LMO1: variants seen among roughly 807,000 people sequenced by gnomAD.
LMO1 encodes the protein rhombotin-1.
LMO1 carries 10 observed loss-of-function variants against 18.0 expected under a neutral mutation model. The ratio of observed to expected loss-of-function variants is 0.55; its 90% CI spans 0.34 to 0.94. LMO1 has a LOEUF of 0.94. Ranked by LOEUF, LMO1 falls within the 40% of genes least tolerant of loss-of-function variation. The pLI is 0.02. For synonymous variants in LMO1, 77 were observed against 77.9 expected (o/e 0.99, Z 0.06); for missense variants, 183 against 205.7 (o/e 0.89, Z 0.68).
At position 8,230,320 on chromosome 11, in the gene LMO1, G is replaced by A; in HGVS notation, c.210C>T (p.Asn70=). ...EVGSTLYTKA[N]LILCRRDYLR... Reference sequence around the variant, plus strand: ...GGTAGTCGCGTCGGCACAGGATGAGGTTGGCCTTGGTGTAGAGGGTGGAGC... The same window carrying A: ...GGTAGTCGCGTCGGCACAGGATGAGATTGGCCTTGGTGTAGAGGGTGGAGC... Residue 70 remains asparagine (N), a synonymous_variant, in exon 2 of 4, where the codon AAC becomes AAT. Coordinates refer to ENST00000335790, the MANE Select transcript of LMO1 (RefSeq NM_002315.3). The A allele has an allele frequency of 5.0e-6, 8 of 1,613,938 alleles. No homozygotes were observed. Among genetic ancestry groups the A allele is most frequent in the South Asian group, 1.1e-5 (1 of 91,084 alleles).
intron 2 of LMO1, among the ~76,000 whole-genome samples, chr11:8,228,854 C>T (rs941292733): frequency 1.3e-5 from 2 of 152,066 alleles, no homozygotes; most frequent in Non-Finnish European, 2.9e-5. Context: ...GACATGGAGG[C>T]CCCTTCTAGG....
At chr11:8,224,930 C>T (rs1011627447) in intron 3 of LMO1, among the ~76,000 whole-genome samples, 25 of 152,102 alleles carry the variant, frequency 1.6e-4, no homozygotes, top group Non-Finnish European at 8.8e-5. Flanking sequence ...CTTGGCCAGG[C>T]CCTGTAGCCT....
At chr11:8,235,271 C>A (rs1437153907) in intron 1 of LMO1, among the ~76,000 whole-genome samples, 1 of 152,210 alleles carries the variant, frequency 6.6e-6, no homozygotes, top group African/African-American at 2.4e-5. Context: ...GCCCTTCACC[C>A]AGATTCCCTA....
intron 1 of LMO1, among the ~76,000 whole-genome samples, chr11:8,242,965 G>A (rs536093236): frequency 4.6e-5 from 7 of 152,312 alleles, no homozygotes; most frequent in South Asian, 2.1e-4. Context: ...GGACCCTCCC[G>A]GCAAGCTGGA....
At chr11:8,262,575 C>A (rs981627172) in intron 1 of LMO1, among the ~76,000 whole-genome samples, 3 of 152,216 alleles carry the variant, frequency 2.0e-5, no homozygotes, top group African/African-American at 4.8e-5. Context: ...CCGTGCCCTG[C>A]AGTTTTCTAG....
chr11:8,244,239 C>T (rs1271605026), intron 1 of LMO1, among the ~76,000 whole-genome samples: 1 of 152,206 alleles, frequency 6.6e-6, no homozygotes, highest in African/African-American at 2.4e-5. Context: ...CCCTCCTAGC[C>T]CCCAGCTTGG....
At chr11:8,243,389 T>C (rs538490200) in intron 1 of LMO1, among the ~76,000 whole-genome samples, 1 of 152,334 alleles carries the variant, frequency 6.6e-6, no homozygotes, top group African/African-American at 2.4e-5. Context: ...AAACCAGCCA[T>C]GGGCTCCCAG....
At position 8,227,016 on chromosome 11, in the gene LMO1, C is replaced by T. The variant is rs1590517704; in HGVS notation, c.324G>A (p.Val108=). 2.5e-6 allele frequency: 4 copies of T among 1,613,778 alleles called. No homozygotes were observed. Among genetic ancestry groups the T allele is most frequent in the Non-Finnish European group, 2.5e-6 (3 of 1,179,792 alleles). The change falls in exon 3 of 4, where the codon GTG becomes GTA. Residue 108 remains valine (V), a synonymous_variant. Coordinates refer to ENST00000335790, the MANE Select transcript of LMO1 (RefSeq NM_002315.3). The part of the protein sequence containing the change: ...FEMVMRARDN[V]YHLDCFACQL... The stretch of plus-strand genomic sequence containing the variant: ...GGCAGGCGAAGCAGTCGAGGTGATA[C>T]ACGTTGTCCCGGGCCCGCATCACCA...
At chr11:8,237,235 C>A (rs910578446) in intron 1 of LMO1, among the ~76,000 whole-genome samples, 5 of 152,116 alleles carry the variant, frequency 3.3e-5, no homozygotes, top group Non-Finnish European at 7.4e-5. Context: ...TGGGCCCACA[C>A]CCAGGCCCGG....
At chr11:8,224,773 G>A in intron 3 of LMO1, 52 bp from the exon 4 acceptor site, 9 of 1,214,388 alleles carry the variant, frequency 7.4e-6, no homozygotes, top group South Asian at 2.6e-5. Flanking sequence ...CAGTGGGTAA[G>A]GGGGGGGCTG....
chr11:8,236,851 G>T (rs576041988), intron 1 of LMO1, among the ~76,000 whole-genome samples: 3 of 152,276 alleles, frequency 2.0e-5, no homozygotes, highest in African/African-American at 7.2e-5. Flanking sequence ...CTAAGCACAC[G>T]CATGTGTGTG....
intron 1 of LMO1, among the ~76,000 whole-genome samples, chr11:8,232,675 C>A (rs536733958): frequency 7.2e-5 from 11 of 152,202 alleles, no homozygotes; most frequent in Non-Finnish European, 1.5e-4. Context: ...AGGCTTGCAG[C>A]AGGCCTGGCT....
At chr11:8,268,687 G>T (rs1207362746), upstream of LMO1, 4 of 277,506 alleles carry the variant, frequency 1.4e-5, no homozygotes, top group East Asian at 2.3e-4. Flanking sequence ...CCGGGATCGC[G>T]GGAGCCTCGC....
intron 1 of LMO1, among the ~76,000 whole-genome samples, chr11:8,242,818 C>A (rs1426667365): frequency 6.6e-6 from 1 of 152,222 alleles, no homozygotes; most frequent in Admixed American, 6.5e-5. Flanking sequence ...GACGTGAGCA[C>A]CAGCGCGCTG....
At chr11:8,251,678 A>T (rs924693281) in intron 1 of LMO1, among the ~76,000 whole-genome samples, 2 of 150,986 alleles carry the variant, frequency 1.3e-5, no homozygotes, top group African/African-American at 2.4e-5. Flanking sequence ...TTTGTGTGTG[A>T]GAGAGAGAGA....
At chr11:8,240,792 G>T (rs1846774731) in intron 1 of LMO1, among the ~76,000 whole-genome samples, 1 of 152,048 alleles carries the variant, frequency 6.6e-6, no homozygotes, top group South Asian at 2.1e-4. Flanking sequence ...AAGAATTTTG[G>T]GAAGACACAA....
At chr11:8,261,349 A>G (rs773422983) in intron 1 of LMO1, among the ~76,000 whole-genome samples, 19 of 152,218 alleles carry the variant, frequency 1.2e-4, no homozygotes, top group Non-Finnish European at 2.4e-4. Flanking sequence ...ATTTGGAGGC[A>G]GGGAGCTGGC....
rs1847229016 is a variant in LMO1, at chr11:8,263,661, T to G, written c.-299A>C. On this transcript the variant is annotated 5_prime_UTR_variant, in exon 1 of 4. Transcript: ENST00000335790. ...GGAAAAGAGGATCAGAGCCGTTTCTTTGATTCTCACCTTCTAAATGGCTCA... is the reference window on the plus strand; with the variant it reads ...GGAAAAGAGGATCAGAGCCGTTTCTGTGATTCTCACCTTCTAAATGGCTCA... The G allele has an allele frequency of 7.6e-7, 1 of 1,308,220 alleles. No homozygotes were observed. The highest frequency in any genetic ancestry group is 9.7e-7 in the Non-Finnish European group (1 of 1,031,732). The allele number at this position is 1,308,220 out of a possible 1,614,324, so 81.0% of individuals were successfully genotyped here.
At chr11:8,239,652 C>T (rs886870828) in intron 1 of LMO1, among the ~76,000 whole-genome samples, 12 of 144,536 alleles carry the variant, frequency 8.3e-5, no homozygotes, top group African/African-American at 2.7e-4. Flanking sequence ...ATGGGTAGGG[C>T]GGGGAGCAGA....
Sources: gnomAD v4.1 joint callset for allele counts (sites outside exome capture counted in the v4.1 genomes callset) on GRCh38, gnomAD v4.1.1 for gene constraint, MANE v1.5 for transcripts, NCBI Gene and HGNC (gene_info 2026-07-23, HGNC 2026-07-21) for gene names.